Variants in CPS1 observed in about 807,000 individuals in gnomAD.
CPS1 encodes carbamoyl-phosphate synthase [ammonia], mitochondrial.
In CPS1, 109 loss-of-function variants were observed where a neutral mutation model predicts 174.6. That is an observed-to-expected ratio of 0.62 (90% CI 0.53 to 0.73). The LOEUF (loss-of-function observed/expected upper bound fraction) is 0.73, where lower values mean the gene tolerates loss of function less well. CPS1 is among the 30% of genes least tolerant of loss of function. The pLI is 0.00. For missense variants in CPS1, 1,689 were observed against 1,821.9 expected, an observed-to-expected ratio of 0.93 and a Z score of 1.33; for synonymous variants, 637 against 632.0, an observed-to-expected ratio of 1.01 and a Z score of -0.12.
At position 210,608,385 on chromosome 2, in the gene CPS1, A is replaced by C; in HGVS notation, c.2217A>C (p.Ala739=). The C allele has an allele frequency of 6.2e-7, 1 of 1,612,276 alleles. No individual in the cohort carries two copies. The highest frequency in any genetic ancestry group is 2.2e-5 in the East Asian group (1 of 44,808). ...GCTACCCATTGGCATTCATTGCTGC[A>C]AAGATTGCCCTAGGAATCCCACTTC... ...ATGYPLAFIA[A]KIALGIPLPE... The change falls in exon 19 of 38, where the codon GCA becomes GCC. Residue 739 remains alanine, a synonymous_variant. Transcript: ENST00000233072.
intron 21 of CPS1, among the ~76,000 whole-genome samples, chr2:210,634,952 G>GT (rs1237356657): frequency 2.6e-5 from 4 of 152,040 alleles, no homozygotes; most frequent in East Asian, 1.9e-4. Context: ...GTTGAACTTT[G>GT]TTTTTTCTTT....
intron 1 of CPS1, among the ~76,000 whole-genome samples, chr2:210,512,274 C>CACCCATTAA (rs1695514877): frequency 6.6e-6 from 1 of 151,718 alleles, no homozygotes; most frequent in African/African-American, 2.4e-5. Flanking sequence ...TTGTGTGATG[C>CACCCATTAA]CAAGGTTTGG....
At chr2:210,501,669 A>G (rs535270665) in intron 1 of CPS1, among the ~76,000 whole-genome samples, 2 of 152,276 alleles carry the variant, frequency 1.3e-5, no homozygotes, top group East Asian at 1.9e-4. Flanking sequence ...ATCTGAGACC[A>G]TCTCAGCCTG....
chr2:210,540,916 A>C (rs766157951), intron 1 of CPS1, among the ~76,000 whole-genome samples: 1 of 152,172 alleles, frequency 6.6e-6, no homozygotes, highest in Non-Finnish European at 1.5e-5. Context: ...CGAAATGGAA[A>C]AACAATGTTA....
At chr2:210,516,502 A>G (rs1311239241) in intron 1 of CPS1, among the ~76,000 whole-genome samples, 1 of 151,842 alleles carries the variant, frequency 6.6e-6, no homozygotes, top group Admixed American at 6.6e-5. Flanking sequence ...TCCTCTGACC[A>G]CATTCCTATG....
At chr2:210,540,103 C>G (rs1040825181) in intron 1 of CPS1, among the ~76,000 whole-genome samples, 1 of 152,178 alleles carries the variant, frequency 6.6e-6, no homozygotes, top group Non-Finnish European at 1.5e-5. Context: ...TAATCTGAAT[C>G]CTCTAGTTTG....
At chr2:210,531,679 G>C (rs574600725) in intron 1 of CPS1, among the ~76,000 whole-genome samples, 68 of 152,098 alleles carry the variant, frequency 4.5e-4, no homozygotes, top group Non-Finnish European at 8.5e-4. Context: ...GATGTGCTTA[G>C]ATTATTTACA....
chr2:210,566,792 C>T (rs1009234379), intron 1 of CPS1, among the ~76,000 whole-genome samples: 1 of 151,790 alleles, frequency 6.6e-6, no homozygotes, highest in East Asian at 1.9e-4. Context: ...AGAAAACCCA[C>T]TAATGGCTTT....
At chr2:210,640,080 T>C in intron 24 of CPS1, 21 bp downstream of exon 24, 1 of 1,421,660 alleles carries the variant, frequency 7.0e-7, no homozygotes, top group Non-Finnish European at 9.9e-7. Context: ...AAATTATGTG[T>C]ATATAGGACT....
chr2:210,610,550 A>G (rs1699076400), intron 19 of CPS1, among the ~76,000 whole-genome samples: 1 of 151,966 alleles, frequency 6.6e-6, no homozygotes, highest in Non-Finnish European at 1.5e-5. Flanking sequence ...TATAGATGCT[A>G]TGAGAATATA....
At chr2:210,587,956 G>T (rs1574557741) in intron 6 of CPS1, 102 bp from the exon 7 acceptor site, 1 of 1,025,322 alleles carries the variant, frequency 9.8e-7, no homozygotes, top group South Asian at 1.3e-5. Flanking sequence ...CAATCAATCT[G>T]TTACCAATCT....
At chr2:210,507,420 A>T (rs546442278) in intron 1 of CPS1, among the ~76,000 whole-genome samples, 1 of 152,224 alleles carries the variant, frequency 6.6e-6, no homozygotes, top group African/African-American at 2.4e-5. Flanking sequence ...CCACTGCAAA[A>T]ACATGCCAAA....
At chr2:210,507,275 C>T (rs1695314467) in intron 1 of CPS1, among the ~76,000 whole-genome samples, 2 of 152,100 alleles carry the variant, frequency 1.3e-5, no homozygotes, top group South Asian at 4.2e-4. Flanking sequence ...TCCAGTGAAA[C>T]TAAGCTTCAT....
Position 210,556,728 on chromosome 2 carries a change from A to T in CPS1, c.-6A>T, listed in dbSNP as rs201874641. 2 of 1,611,548 alleles carry T rather than the reference A, an allele frequency of 1.2e-6. No individual in the cohort carries two copies. Among genetic ancestry groups the T allele is most frequent in the Non-Finnish European group, 8.5e-7 (1 of 1,178,590 alleles). ...TTTCATTTAATTTTAGCCACAAATC[A>T]TCAAAATGACGAGGATTTTGACAGC... On this transcript the variant is annotated 5_prime_UTR_variant, in exon 1 of 38. Coordinates refer to ENST00000233072, the MANE Select transcript of CPS1 (RefSeq NM_001875.5).
intron 1 of CPS1, among the ~76,000 whole-genome samples, chr2:210,482,294 T>C (rs372355514): frequency 6.6e-6 from 1 of 151,768 alleles, no homozygotes; most frequent in South Asian, 2.1e-4. Flanking sequence ...TCTTGTAGAC[T>C]ACGTTGAATC....
intron 34 of CPS1, chr2:210,673,115 G>C (rs1701369728): frequency 6.6e-6 from 1 of 152,142 alleles, no homozygotes; most frequent in Non-Finnish European, 1.5e-5. Flanking sequence ...TTATAAACAG[G>C]TTACAAGACA....
At chr2:210,669,392 A>G (rs568569314) in intron 34 of CPS1, among the ~76,000 whole-genome samples, 183 of 152,284 alleles carry the variant, frequency 1.2e-3, no homozygotes, top group African/African-American at 4.3e-3. Flanking sequence ...ATGGTCTTAT[A>G]TAATATCCCT....
intron 25 of CPS1, among the ~76,000 whole-genome samples, chr2:210,646,682 C>A (rs756545183): frequency 6.6e-6 from 1 of 151,984 alleles, no homozygotes. Context: ...TATACACTTA[C>A]GGTATATAGG....
intron 1 of CPS1, among the ~76,000 whole-genome samples, chr2:210,511,522 T>G (rs56103208): frequency 0.24 from 30,899 of 128,606 alleles, 3,679 homozygotes; most frequent in Middle Eastern, 0.37. Flanking sequence ...CCCTCAAACT[T>G]AAATTATAAT....
Sources: allele counts gnomAD v4.1 joint callset (sites outside exome capture counted in the v4.1 genomes callset), GRCh38; gene constraint gnomAD v4.1.1; transcripts MANE v1.5; gene names NCBI Gene and HGNC (gene_info 2026-07-23, HGNC 2026-07-21).